Variants in ATXN1 observed in about 807,000 individuals in gnomAD.
ATXN1 encodes the protein ataxin 1, also known as ataxin-1.
A neutral mutation model predicts 56.4 loss-of-function variants in ATXN1; 8 were observed. The ratio of observed to expected loss-of-function variants is 0.14; its 90% CI spans 0.08 to 0.26. The LOEUF (loss-of-function observed/expected upper bound fraction) is 0.26. Ranked by LOEUF, ATXN1 falls within the 10% of genes least tolerant of loss-of-function variation. The probability of loss-of-function intolerance (pLI) is 1.00; values close to 1 mark genes in which losing one functional copy is unlikely to be tolerated. For missense variants in ATXN1, 987 were observed against 1,106.5 expected, an observed-to-expected ratio of 0.89 and a Z score of 1.53; for synonymous variants, 514 against 494.6, an observed-to-expected ratio of 1.04 and a Z score of -0.52.
chr6:16,498,579 T>G (rs1468236282), intron 5 of ATXN1, among the ~76,000 whole-genome samples: 3 of 152,246 alleles, frequency 2.0e-5, no homozygotes, highest in African/African-American at 4.8e-5. Flanking sequence ...TTTTCTATAG[T>G]GATTGCACCA....
rs143102716 is a variant in ATXN1, at chr6:16,629,790, G to A, written c.-489+27986C>T. ...AAACTAGCTGGACGTGGTGGTGTGC[G>A]CCTGTAATCCCAGCTACTTGGGAGG... On this transcript the variant is annotated intron_variant, in intron 3 of 7. Transcript: ENST00000436367. Among the ~76,000 whole-genome samples, 821 of 151,580 alleles carry A rather than the reference G, an allele frequency of 5.4e-3. 7 individuals carry two copies. Among genetic ancestry groups the A allele is most frequent in the African/African-American group, 0.019 (777 of 41,352 alleles).
chr6:16,610,772 C>T (rs1763090213), intron 3 of ATXN1, among the ~76,000 whole-genome samples: 1 of 151,898 alleles, frequency 6.6e-6, no homozygotes, highest in African/African-American at 2.4e-5. Flanking sequence ...CCCTGTAATC[C>T]CAGAACTTTG....
intron 5 of ATXN1, among the ~76,000 whole-genome samples, chr6:16,517,017 C>A (rs919327642): frequency 1.2e-4 from 19 of 152,180 alleles, no homozygotes; most frequent in African/African-American, 4.3e-4. Flanking sequence ...AAATAATTCC[C>A]AATACGTAAT....
intron 2 of ATXN1, among the ~76,000 whole-genome samples, chr6:16,725,530 GT>G (rs1759830190): frequency 6.6e-6 from 1 of 152,194 alleles, no homozygotes; most frequent in Non-Finnish European, 1.5e-5. Context: ...GCTAAATCCA[GT>G]TTTTGAATCA....
Position 16,328,278 on chromosome 6 carries a change from G to C in ATXN1, c.33C>G (p.Cys11Trp). The change falls in exon 7 of 8, where the codon TGC (cysteine) becomes TGG (tryptophan). Residue 11 changes from cysteine (C) to tryptophan (W), a missense_variant. Cys to Trp is a radical substitution (Grantham distance 215, BLOSUM62 -2). Transcript: ENST00000436367. This position sits in a 1 kb window ranked among gnomAD's most constrained non-coding sequence, Gnocchi z 6.2. ...GGATCTCGCGCTTCTTGGGAGGCAG[G>C]CATTCGTTGCTCCGCTCTTGGTTGG... MKSNQERSNE[C>W]LPPKKREIPA... is the part of the protein sequence containing the mutation. 6.6e-7 allele frequency: 1 copy of C among 1,519,148 alleles called. No individual in the cohort carries two copies. The highest frequency in any genetic ancestry group is 8.8e-7 in the Non-Finnish European group (1 of 1,138,358). The allele number at this position is 1,519,148 out of a possible 1,614,324, so 94.1% of individuals were successfully genotyped here. A position where few individuals can be genotyped will look rare whatever the true frequency, so the allele number is the denominator to read the frequency against.
At chr6:16,494,313 A>T (rs1394822777) in intron 5 of ATXN1, among the ~76,000 whole-genome samples, 1 of 152,208 alleles carries the variant, frequency 6.6e-6, no homozygotes, top group Non-Finnish European at 1.5e-5. Context: ...GGAGTTATCC[A>T]TTGTAAAATT....
chr6:16,469,970 A>G (rs1439094275), intron 6 of ATXN1, among the ~76,000 whole-genome samples: 2 of 152,130 alleles, frequency 1.3e-5, no homozygotes, highest in East Asian at 1.9e-4. Context: ...CAAAAAAAAA[A>G]AAAAGAAAAA....
chr6:16,611,410 G>A (rs537686133), intron 3 of ATXN1, among the ~76,000 whole-genome samples: 1 of 152,142 alleles, frequency 6.6e-6, no homozygotes, highest in South Asian at 2.1e-4. Context: ...GAAATATCAA[G>A]GAATCATAAA....
chr6:16,352,453 T>C (rs747810788), intron 6 of ATXN1, among the ~76,000 whole-genome samples: 1 of 152,170 alleles, frequency 6.6e-6, no homozygotes, highest in African/African-American at 2.4e-5. Context: ...TAGAAGATAA[T>C]GTTTTAACAA....
chr6:16,739,733 C>T (rs1047968157), intron 2 of ATXN1: 1 of 439,010 alleles, frequency 2.3e-6, no homozygotes, highest in African/African-American at 2.0e-5. Flanking sequence ...TCAGGGATGT[C>T]GTCCAAGAGG....
intron 4 of ATXN1, among the ~76,000 whole-genome samples, chr6:16,585,374 A>C (rs1225696483): frequency 6.6e-6 from 1 of 152,214 alleles, no homozygotes; most frequent in East Asian, 1.9e-4. Flanking sequence ...GTAGAAAAAT[A>C]TCTGTTGCTA....
rs148527850 is a variant in ATXN1 at position 16,510,958 on chromosome 6, G to A, written c.-299+11669C>T. On this transcript the variant is annotated intron_variant, in intron 5 of 7. Coordinates refer to ENST00000436367, the MANE Select transcript of ATXN1 (RefSeq NM_001128164.2). ...ACACTTCTCCCACTTTAATGAAATCGGTTGGCTGTGAAAATATGTGCATCA... is the reference window on the plus strand; with the variant it reads ...ACACTTCTCCCACTTTAATGAAATCAGTTGGCTGTGAAAATATGTGCATCA... Among the ~76,000 whole-genome samples, 536 of 152,218 alleles carry A rather than the reference G, an allele frequency of 3.5e-3. 3 individuals carry two copies. Among genetic ancestry groups the A allele is most frequent in the African/African-American group, 0.012 (493 of 41,526 alleles).
At chr6:16,516,319 G>A (rs1317755773) in intron 5 of ATXN1, among the ~76,000 whole-genome samples, 2 of 152,104 alleles carry the variant, frequency 1.3e-5, no homozygotes, top group African/African-American at 2.4e-5. Flanking sequence ...TACCCTACAC[G>A]TTATCGAGCA....
intron 4 of ATXN1, among the ~76,000 whole-genome samples, chr6:16,577,523 CAA>C (rs61193572): frequency 1.6e-3 from 120 of 76,970 alleles, no homozygotes; most frequent in African/African-American, 3.2e-3. Flanking sequence ...GACTCTGTCT[CAA>C]AAAAAAAAAA....
chr6:16,597,984 C>T (rs1561772235), intron 3 of ATXN1, among the ~76,000 whole-genome samples: 1 of 151,778 alleles, frequency 6.6e-6, no homozygotes, highest in African/African-American at 2.4e-5. Flanking sequence ...AAATTGCTAA[C>T]ACAGATTTTT....
chr6:16,464,174 G>A (rs1760054673), intron 6 of ATXN1, among the ~76,000 whole-genome samples: 1 of 152,156 alleles, frequency 6.6e-6, no homozygotes, highest in Non-Finnish European at 1.5e-5. Flanking sequence ...TCTTACAAGA[G>A]GATGTAAAAT....
At chr6:16,565,502 T>C (rs1163598736) in intron 4 of ATXN1, among the ~76,000 whole-genome samples, 2 of 152,220 alleles carry the variant, frequency 1.3e-5, no homozygotes, top group African/African-American at 4.8e-5. Context: ...ACAGTGTTTT[T>C]AAAGGAACGT....
intron 6 of ATXN1, among the ~76,000 whole-genome samples, chr6:16,402,765 C>G (rs1758604498): frequency 6.6e-6 from 1 of 152,164 alleles, no homozygotes; most frequent in Admixed American, 6.5e-5. Context: ...CCGCTGTGCC[C>G]AGGGCTGTTG....
At chr6:16,395,698 G>A (rs1211718991) in intron 6 of ATXN1, among the ~76,000 whole-genome samples, 2 of 152,072 alleles carry the variant, frequency 1.3e-5, no homozygotes, top group Non-Finnish European at 2.9e-5. Context: ...ATTGTTATTT[G>A]AGAGTGGACT....
Sources: gnomAD v4.1 joint callset for allele counts (sites outside exome capture counted in the v4.1 genomes callset) on GRCh38, gnomAD v4.1.1 for gene constraint, Gnocchi (gnomAD v3.1) non-coding constraint, MANE v1.5 for transcripts, NCBI Gene and HGNC (gene_info 2026-07-23, HGNC 2026-07-21) for gene names.